The following HS2ST1 variants were observed in gnomAD, a reference collection of about 807,000 sequenced individuals.
HS2ST1 encodes the protein 2-O-sulfotransferase.
Under a neutral mutation model 42.9 loss-of-function variants are expected in HS2ST1, and 18 were observed. That is an observed-to-expected ratio of 0.42 (90% CI 0.29 to 0.62). The LOEUF (loss-of-function observed/expected upper bound fraction) is 0.62, where lower values mean the gene tolerates loss of function less well. HS2ST1 is among the 20% of genes least tolerant of loss of function. HS2ST1 has a pLI of 0.21. For synonymous variants in HS2ST1, 146 were observed against 152.9 expected, an observed-to-expected ratio of 0.95 and a Z score of 0.33; for missense variants, 334 against 433.8, an observed-to-expected ratio of 0.77 and a Z score of 2.04.
chr1:87,049,747 G>C (rs1032926034), intron 1 of HS2ST1, among the ~76,000 whole-genome samples: 5 of 152,016 alleles, frequency 3.3e-5, no homozygotes, highest in Non-Finnish European at 7.4e-5. Flanking sequence ...ATTCTGGATG[G>C]AGTGGTCTCT....
chr1:87,093,471 C>T (rs1465586620), intron 4 of HS2ST1, among the ~76,000 whole-genome samples: 4 of 152,114 alleles, frequency 2.6e-5, no homozygotes, highest in Non-Finnish European at 5.9e-5. Context: ...ATGACCACTT[C>T]CGTAAAGTCT....
chr1:86,930,997 T>A (rs1660529396), intron 1 of HS2ST1, among the ~76,000 whole-genome samples: 1 of 152,016 alleles, frequency 6.6e-6, no homozygotes, highest in East Asian at 1.9e-4. Flanking sequence ...CATTTCTACC[T>A]TTAAAAAGAA....
chr1:86,943,961 G>C (rs1411634994), intron 1 of HS2ST1, among the ~76,000 whole-genome samples: 2 of 152,102 alleles, frequency 1.3e-5, no homozygotes, highest in Admixed American at 6.5e-5. Context: ...AGGAGGTGGA[G>C]GTTTGCAGTG....
chr1:87,038,857 G>A (rs1322271567), intron 1 of HS2ST1, among the ~76,000 whole-genome samples: 3 of 152,078 alleles, frequency 2.0e-5, no homozygotes, highest in African/African-American at 4.8e-5. Context: ...GATTCTGACA[G>A]AGAAACTTTT....
intron 1 of HS2ST1, among the ~76,000 whole-genome samples, chr1:87,008,851 T>C (rs1223312680): frequency 1.3e-5 from 2 of 152,184 alleles, no homozygotes; most frequent in African/African-American, 2.4e-5. Flanking sequence ...TTTTGTTTTA[T>C]TTATTTATTC....
At chr1:87,092,796 C>G in intron 4 of HS2ST1, 127 bp downstream of exon 4, 1 of 503,992 alleles carries the variant, frequency 2.0e-6, no homozygotes, top group Non-Finnish European at 3.1e-6. Context: ...TTGAAGAGAA[C>G]CCAAAATATA....
At chr1:87,100,862 A>T (rs534980266) in intron 5 of HS2ST1, among the ~76,000 whole-genome samples, 1 of 152,290 alleles carries the variant, frequency 6.6e-6, no homozygotes, top group African/African-American at 2.4e-5. Context: ...TTAAGGCTGC[A>T]GTGAGCCAAG....
intron 1 of HS2ST1, among the ~76,000 whole-genome samples, chr1:86,927,640 AGAT>A (rs2102160868): frequency 6.6e-6 from 1 of 152,294 alleles, no homozygotes; most frequent in African/African-American, 2.4e-5. Flanking sequence ...AAGAGTGATC[AGAT>A]GATGTCAGTT....
intron 1 of HS2ST1, among the ~76,000 whole-genome samples, chr1:86,996,442 C>CAAAAA (rs67401349): frequency 8.9e-6 from 1 of 112,904 alleles, no homozygotes; most frequent in African/African-American, 3.4e-5. Flanking sequence ...AACTCTGTCT[C>CAAAAA]AAAAAAAAAA....
intron 1 of HS2ST1, chr1:87,045,788 A>C: frequency 1.1e-6 from 1 of 883,850 alleles, no homozygotes; most frequent in South Asian, 1.3e-5. Flanking sequence ...CAGAGGTAAC[A>C]AAATCCATTG....
intron 1 of HS2ST1, among the ~76,000 whole-genome samples, chr1:86,978,523 C>T (rs1280930162): frequency 6.6e-6 from 1 of 152,148 alleles, no homozygotes; most frequent in Non-Finnish European, 1.5e-5. Flanking sequence ...CTTGAATCCT[C>T]ATATCCATAT....
At chr1:86,970,138 A>T (rs1356654396) in intron 1 of HS2ST1, among the ~76,000 whole-genome samples, 1 of 152,170 alleles carries the variant, frequency 6.6e-6, no homozygotes, top group African/African-American at 2.4e-5. Flanking sequence ...AAAAAAAAAA[A>T]AAATGAGTAT....
chr1:87,051,683 A>G (rs1175097447), intron 1 of HS2ST1, among the ~76,000 whole-genome samples: 1 of 152,172 alleles, frequency 6.6e-6, no homozygotes, highest in Non-Finnish European at 1.5e-5. Context: ...ACTGTCCAGC[A>G]TTTTACTGGT....
chr1:87,050,659 A>G (rs1454696563), intron 1 of HS2ST1, among the ~76,000 whole-genome samples: 1 of 152,088 alleles, frequency 6.6e-6, no homozygotes, highest in Non-Finnish European at 1.5e-5. Context: ...GGGAGCTTTT[A>G]AGAAATACAG....
intron 1 of HS2ST1, among the ~76,000 whole-genome samples, chr1:86,999,418 T>G (rs1649210928): frequency 1.3e-5 from 2 of 152,190 alleles, no homozygotes; most frequent in African/African-American, 4.8e-5. Flanking sequence ...CTTCAGATGA[T>G]CCACCCACCT....
At chr1:86,938,473 A>G (rs927167540) in intron 1 of HS2ST1, among the ~76,000 whole-genome samples, 8 of 152,094 alleles carry the variant, frequency 5.3e-5, no homozygotes, top group African/African-American at 1.9e-4. Flanking sequence ...TAATTTTTCC[A>G]AGTTGAGTTT....
chr1:86,935,455 C>CTTTTTTTT (rs552713297), intron 1 of HS2ST1, among the ~76,000 whole-genome samples: 40 of 62,056 alleles, frequency 6.4e-4, no homozygotes, highest in African/African-American at 9.7e-4. Context: ...TCTTTTTCTC[C>CTTTTTTTT]TTTTTTTTTT....
At chr1:86,943,280 CTTA>C (rs1647220070) in intron 1 of HS2ST1, among the ~76,000 whole-genome samples, 1 of 151,984 alleles carries the variant, frequency 6.6e-6, no homozygotes, top group African/African-American at 2.4e-5. Flanking sequence ...AGCTTTGCAT[CTTA>C]TTATGGAGAA....
intron 1 of HS2ST1, among the ~76,000 whole-genome samples, chr1:87,066,726 C>T (rs1418053954): frequency 3.9e-5 from 6 of 151,932 alleles, no homozygotes; most frequent in Admixed American, 3.3e-4. Flanking sequence ...CCTCCCCTAG[C>T]CCCCATCCCC....
Sources: allele counts gnomAD v4.1 joint callset (sites outside exome capture counted in the v4.1 genomes callset), GRCh38; gene constraint gnomAD v4.1.1; transcripts MANE v1.5; gene names NCBI Gene and HGNC (gene_info 2026-07-23, HGNC 2026-07-21).